The following BRINP3 variants were observed in gnomAD, a reference collection of about 807,000 sequenced individuals.
BRINP3 encodes the protein BMP/retinoic acid-inducible neural-specific protein 3.
BRINP3 carries 19 observed loss-of-function variants against 71.0 expected under a neutral mutation model. The observed-to-expected ratio is 0.27, with a 90% CI of 0.19 to 0.39. BRINP3 has a LOEUF of 0.39. Among genes scored for constraint, BRINP3 ranks in the 10% least tolerant of loss-of-function variants. The probability of loss-of-function intolerance (pLI) is 1.00; values close to 1 mark genes in which losing one functional copy is unlikely to be tolerated. For missense variants in BRINP3, 959 were observed against 940.8 expected, an observed-to-expected ratio of 1.02 and a Z score of -0.25; for synonymous variants, 380 against 337.7, an observed-to-expected ratio of 1.13 and a Z score of -1.37.
intron 7 of BRINP3, among the ~76,000 whole-genome samples, chr1:190,149,457 G>C (rs781190010): frequency 6.6e-6 from 1 of 152,094 alleles, no homozygotes; most frequent in African/African-American, 2.4e-5. Context: ...GTTTTGTTCA[G>C]TTCAACAGGA....
intron 6 of BRINP3, among the ~76,000 whole-genome samples, chr1:190,166,990 G>T (rs968429347): frequency 6.6e-6 from 1 of 152,046 alleles, no homozygotes; most frequent in South Asian, 2.1e-4. Context: ...CTCCCAAAGT[G>T]TTGGGATTAC....
chr1:190,172,918 C>G (rs1340147897), intron 6 of BRINP3, among the ~76,000 whole-genome samples: 1 of 152,172 alleles, frequency 6.6e-6, no homozygotes, highest in African/African-American at 2.4e-5. Flanking sequence ...TGGCCAGATG[C>G]ATGCAACCTC....
chr1:190,450,793 T>C (rs1021678265), intron 2 of BRINP3, among the ~76,000 whole-genome samples: 5 of 152,146 alleles, frequency 3.3e-5, no homozygotes, highest in Admixed American at 6.5e-5. Flanking sequence ...GGATTAAATT[T>C]CTGCTTTTCT....
intron 4 of BRINP3, among the ~76,000 whole-genome samples, chr1:190,260,879 C>G (rs1275575313): frequency 1.3e-5 from 2 of 151,910 alleles, no homozygotes; most frequent in African/African-American, 4.8e-5. Flanking sequence ...CTACTTATTC[C>G]TAGGTTTGCT....
chr1:190,475,536 C>T (rs539404439), intron 1 of BRINP3, among the ~76,000 whole-genome samples: 1 of 152,148 alleles, frequency 6.6e-6, no homozygotes, highest in Non-Finnish European at 1.5e-5. Context: ...CTTTCCTACA[C>T]GCATGGGTTA....
chr1:190,358,121 C>T (rs1400521398), intron 2 of BRINP3, among the ~76,000 whole-genome samples: 1 of 152,132 alleles, frequency 6.6e-6, no homozygotes, highest in African/African-American at 2.4e-5. Context: ...ATGTCTAAAA[C>T]ACCAAAAGCA....
intron 7 of BRINP3, among the ~76,000 whole-genome samples, chr1:190,140,093 T>C (rs1655306481): frequency 6.6e-6 from 1 of 152,198 alleles, no homozygotes; most frequent in South Asian, 2.1e-4. Context: ...AAAACATCTA[T>C]AGCAAATAGT....
chr1:190,321,702 C>T (rs1384815825), intron 2 of BRINP3, among the ~76,000 whole-genome samples: 4 of 152,174 alleles, frequency 2.6e-5, no homozygotes, highest in South Asian at 2.1e-4. Context: ...GCTTTGGAAA[C>T]ATCATGATGG....
At chr1:190,227,149 C>G (rs1436372570) in intron 5 of BRINP3, among the ~76,000 whole-genome samples, 1 of 151,572 alleles carries the variant, frequency 6.6e-6, no homozygotes, top group Admixed American at 6.6e-5. Context: ...AAAATGAATA[C>G]AAAGCTAAGG....
chr1:190,112,908 G>A (rs1287753332), intron 7 of BRINP3, among the ~76,000 whole-genome samples: 1 of 152,052 alleles, frequency 6.6e-6, no homozygotes, highest in African/African-American at 2.4e-5. Context: ...AAAGCACAGG[G>A]CTCCATATTA....
chr1:190,117,991 A>G (rs1935879), intron 7 of BRINP3, among the ~76,000 whole-genome samples: 90,847 of 151,890 alleles, frequency 0.6, 27,882 homozygotes, highest in African/African-American at 0.75. Flanking sequence ...AATTAATAAC[A>G]TGCACAGCAG....
In BRINP3 at chr1:190,108,996, G is replaced by A. The variant is rs572295770; in HGVS notation, c.1185-9862C>T. The stretch of plus-strand genomic sequence containing the variant: ...TGTTCAGTTAGCAGGGAGAAGATCC[G>A]TAAGTTTTTTCCTTAGTGTTTCTAG... On this transcript the variant is annotated intron_variant, in intron 7 of 7. Coordinates refer to ENST00000367462, the MANE Select transcript of BRINP3 (RefSeq NM_199051.3). 9.9e-5 allele frequency among the ~76,000 whole-genome samples: 15 copies of A among 152,174 alleles called. 1 individual carries two copies. The highest frequency in any genetic ancestry group is 6.2e-4 in the South Asian group (3 of 4,814).
At chr1:190,103,809 G>T (rs1277234843) in intron 7 of BRINP3, among the ~76,000 whole-genome samples, 1 of 151,770 alleles carries the variant, frequency 6.6e-6, no homozygotes, top group East Asian at 1.9e-4. Flanking sequence ...CACATAAGAA[G>T]AATAAGCCAC....
intron 7 of BRINP3, among the ~76,000 whole-genome samples, chr1:190,155,672 G>T (rs1400260280): frequency 6.6e-6 from 1 of 152,024 alleles, no homozygotes; most frequent in Non-Finnish European, 1.5e-5. Flanking sequence ...ATTAGGGAGG[G>T]ACCTAGTGTG....
intron 5 of BRINP3, among the ~76,000 whole-genome samples, chr1:190,228,629 T>C (rs946572042): frequency 1.3e-5 from 2 of 151,938 alleles, no homozygotes; most frequent in Non-Finnish European, 1.5e-5. Context: ...AAAACCATTA[T>C]AAAATTAAAG....
intron 2 of BRINP3, among the ~76,000 whole-genome samples, chr1:190,392,239 A>C (rs1160736036): frequency 3.3e-5 from 5 of 151,696 alleles, no homozygotes. Flanking sequence ...AAATAATGTC[A>C]AACTGGACGG....
chr1:190,309,831 A>T (rs1041886979), intron 2 of BRINP3, among the ~76,000 whole-genome samples: 1 of 151,828 alleles, frequency 6.6e-6, no homozygotes, highest in Non-Finnish European at 1.5e-5. Context: ...ATCTGAAAAT[A>T]TTACTTGGTT....
chr1:190,189,315 T>G (rs954402324), intron 6 of BRINP3, among the ~76,000 whole-genome samples: 1 of 152,150 alleles, frequency 6.6e-6, no homozygotes, highest in Non-Finnish European at 1.5e-5. Flanking sequence ...TTGATTCAAT[T>G]TCCTTACTTA....
chr1:190,163,752 T>G (rs1249289358), intron 6 of BRINP3, among the ~76,000 whole-genome samples: 1 of 152,092 alleles, frequency 6.6e-6, no homozygotes, highest in South Asian at 2.1e-4. Context: ...CCATTAAAAA[T>G]TGAGTAATTT....
Sources: gnomAD v4.1 joint callset for allele counts (sites outside exome capture counted in the v4.1 genomes callset) on GRCh38, gnomAD v4.1.1 for gene constraint, MANE v1.5 for transcripts, NCBI Gene and HGNC (gene_info 2026-07-23, HGNC 2026-07-21) for gene names.